ZNF566: variants seen among roughly 807,000 people sequenced by gnomAD.
The protein encoded by ZNF566 is zinc finger protein 566.
In ZNF566, 27 loss-of-function variants were observed where a neutral mutation model predicts 32.8. The ratio of observed to expected loss-of-function variants is 0.82; its 90% confidence interval spans 0.61 to 1.14. The LOEUF (loss-of-function observed/expected upper bound fraction) is 1.14, where lower values mean the gene tolerates loss of function less well. Among genes scored for constraint, ZNF566 ranks in the 50% most tolerant of loss-of-function variants. The pLI is 0.00. For synonymous variants in ZNF566, 154 were observed against 159.5 expected (o/e 0.97, Z 0.26); for missense variants, 402 against 490.4 (o/e 0.82, Z 1.70).
chr19:36,471,887 C>T (rs933024385), intron 4 of ZNF566, among the ~76,000 whole-genome samples: 3 of 151,936 alleles, frequency 2.0e-5, no homozygotes, highest in Admixed American at 6.6e-5. Context: ...GGATTACAGG[C>T]GCATGCTACC....
intron 1 of ZNF566, among the ~76,000 whole-genome samples, chr19:36,486,790 GC>G (rs1171587316): frequency 6.6e-6 from 1 of 151,774 alleles, no homozygotes; most frequent in Non-Finnish European, 1.5e-5. Flanking sequence ...ACAAAAAGGT[GC>G]TGAACATCAT....
intron 4 of ZNF566, among the ~76,000 whole-genome samples, chr19:36,463,052 C>T (rs2033517910): frequency 2.6e-5 from 4 of 151,032 alleles, no homozygotes; most frequent in Admixed American, 2.6e-4. Context: ...CGCAGTAATC[C>T]CAGCACTTTG....
intron 4 of ZNF566, among the ~76,000 whole-genome samples, chr19:36,451,877 A>T (rs8105973): frequency 0.2 from 30,821 of 152,028 alleles, 3,491 homozygotes; most frequent in Middle Eastern, 0.29. Context: ...GTGGTAGCAC[A>T]TGCACTGTAA....
intron 1 of ZNF566, among the ~76,000 whole-genome samples, chr19:36,485,688 G>A (rs2034144888): frequency 6.6e-6 from 1 of 151,574 alleles, no homozygotes; most frequent in Non-Finnish European, 1.5e-5. Context: ...CTTGAACCCA[G>A]GAGGCAGAGG....
intron 4 of ZNF566, among the ~76,000 whole-genome samples, chr19:36,461,118 G>C (rs1055189102): frequency 1.3e-5 from 2 of 152,168 alleles, no homozygotes; most frequent in Non-Finnish European, 2.9e-5. Flanking sequence ...TTAAGTGCTT[G>C]TTAAATCCAG....
intron 1 of ZNF566, 73 bp downstream of exon 1, chr19:36,489,413 C>T (rs969373502): frequency 4.0e-5 from 12 of 299,862 alleles, no homozygotes; most frequent in African/African-American, 2.4e-4. Flanking sequence ...TCAATCTCAC[C>T]TCCACCGCCG....
intron 4 of ZNF566, among the ~76,000 whole-genome samples, chr19:36,461,879 C>T (rs1468769632): frequency 6.6e-6 from 1 of 151,890 alleles, no homozygotes; most frequent in African/African-American, 2.4e-5. Flanking sequence ...CCAATCTGAA[C>T]TTACACTTTA....
chr19:36,461,274 CCAAACA>C (rs2033454583), intron 4 of ZNF566, among the ~76,000 whole-genome samples: 1 of 152,178 alleles, frequency 6.6e-6, no homozygotes, highest in South Asian at 2.1e-4. Context: ...AGGGGCAGCA[CCAAACA>C]CAAACATGTG....
chr19:36,469,288 C>T (rs1048494072), intron 4 of ZNF566, among the ~76,000 whole-genome samples: 6 of 151,940 alleles, frequency 3.9e-5, no homozygotes, highest in Middle Eastern at 6.8e-3. Flanking sequence ...CCTGCAATCC[C>T]AGAATTTGGG....
chr19:36,480,326 G>C (rs930408924), intron 1 of ZNF566, among the ~76,000 whole-genome samples: 17 of 140,006 alleles, frequency 1.2e-4, no homozygotes, highest in African/African-American at 4.0e-4. Flanking sequence ...ACTCTGTCAC[G>C]CAGGCTGGAG....
chr19:36,478,423 C>T (rs1195559693), intron 1 of ZNF566, among the ~76,000 whole-genome samples: 1 of 152,096 alleles, frequency 6.6e-6, no homozygotes, highest in Non-Finnish European at 1.5e-5. Context: ...TGGCCTTCCT[C>T]TGGTTAAAGG....
intron 4 of ZNF566, among the ~76,000 whole-genome samples, chr19:36,453,982 C>T (rs567754328): frequency 6.6e-6 from 1 of 152,128 alleles, no homozygotes; most frequent in South Asian, 2.1e-4. Context: ...TGCCACCACA[C>T]CTGGCTAATT....
chr19:36,475,190 C>T (rs2033854466), intron 2 of ZNF566, among the ~76,000 whole-genome samples: 2 of 152,118 alleles, frequency 1.3e-5, no homozygotes, highest in Non-Finnish European at 2.9e-5. Flanking sequence ...GGACTACAGG[C>T]GTGCACCAAC....
intron 4 of ZNF566, among the ~76,000 whole-genome samples, chr19:36,467,513 G>A (rs1276251951): frequency 6.7e-6 from 1 of 148,176 alleles, no homozygotes; most frequent in Non-Finnish European, 1.5e-5. Context: ...AAAGAAAAAT[G>A]TGGCCGGGCA....
At chr19:36,455,039 G>A (rs1399264917) in intron 4 of ZNF566, among the ~76,000 whole-genome samples, 3 of 152,150 alleles carry the variant, frequency 2.0e-5, no homozygotes, top group Admixed American at 2.0e-4. Flanking sequence ...GATCAAGTGA[G>A]ATTTATTCCT....
rs113034413 is a variant in ZNF566 at position 36,459,907 on chromosome 19, C to G, written c.233-9906G>C. Among the ~76,000 whole-genome samples, 1,103 of 151,174 alleles carry G rather than the reference C, an allele frequency of 7.3e-3. 11 individuals carry two copies. Among genetic ancestry groups the G allele is most frequent in the Non-Finnish European group, 0.012 (812 of 67,900 alleles). ...GATCTCAGCTCACTGCAACTTCCAC[C>G]TCCTGGGTTCAAGAGATCCTCCTGC... On this transcript the variant is annotated intron_variant, in intron 4 of 4. Transcript: ENST00000452939.
chr19:36,479,161 A>G (rs1457117366), intron 1 of ZNF566, among the ~76,000 whole-genome samples: 1 of 152,194 alleles, frequency 6.6e-6, no homozygotes, highest in Admixed American at 6.5e-5. Flanking sequence ...ACACTGAAAA[A>G]TGTCCCCCTG....
intron 4 of ZNF566, among the ~76,000 whole-genome samples, chr19:36,453,892 C>T (rs917947830): frequency 3.3e-5 from 5 of 152,030 alleles, no homozygotes; most frequent in Non-Finnish European, 7.4e-5. Context: ...GGCACAATCT[C>T]GGTTTGCTGC....
rs576319055 is a variant in ZNF566, at chr19:36,461,409, G to A, written c.233-11408C>T. Among the ~76,000 whole-genome samples, 254 of 152,306 alleles carry A rather than the reference G, an allele frequency of 1.7e-3. 3 individuals are homozygous for A. Among genetic ancestry groups the A allele is most frequent in the African/African-American group, 5.2e-3 (218 of 41,568 alleles). ...CTCTTGGCTGGACGCAGTGGCTTAC[G>A]CCTGTGATCCCAGCACTTTGGGAGT... On this transcript the variant is annotated intron_variant, in intron 4 of 4. Coordinates refer to ENST00000452939, the MANE Select transcript of ZNF566 (RefSeq NM_001145344.1).
Sources: gnomAD v4.1 joint callset for allele counts (sites outside exome capture counted in the v4.1 genomes callset) on GRCh38, gnomAD v4.1.1 for gene constraint, MANE v1.5 for transcripts, NCBI Gene and HGNC (gene_info 2026-07-23, HGNC 2026-07-21) for gene names.